The following CAP1 variants were observed in gnomAD, a reference collection of about 807,000 sequenced individuals.
CAP1 encodes the protein cyclase associated actin cytoskeleton regulatory protein 1, also known as adenylyl cyclase-associated protein 1.
CAP1 carries 11 observed loss-of-function variants against 58.2 expected under a neutral mutation model. That is an observed-to-expected ratio of 0.19 (90% CI 0.12 to 0.31). The LOEUF is 0.31. Ranked by LOEUF, CAP1 falls within the 10% of genes least tolerant of loss-of-function variation. CAP1 has a pLI of 1.00. For missense variants in CAP1, 423 were observed against 587.5 expected, an observed-to-expected ratio of 0.72 and a Z score of 2.89; for synonymous variants, 183 against 213.8, an observed-to-expected ratio of 0.86 and a Z score of 1.26.
chr1:40,040,421 C>T (rs957892042), upstream of CAP1: 8 of 152,374 alleles, frequency 5.3e-5, no homozygotes, highest in Admixed American at 1.3e-4. Flanking sequence ...GGAGCTTAGC[C>T]AGGGACTTCT....
rs1222302204 is a variant in CAP1 at position 40,072,596 on chromosome 1, C to G, written c.*1063C>G. 6.5e-6 allele frequency: 1 copy of G among 153,046 alleles called. No homozygotes were observed. The highest frequency in any genetic ancestry group is 1.9e-4 in the East Asian group (1 of 5,190). The allele number at this position is 153,046 out of a possible 1,614,324, so 9.5% of individuals were successfully genotyped here. ...TTTCCTGAGGCCTGTGGAAATAAAC[C>G]TTTATGTACTTAAAGTTATACAGAA... On this transcript the variant is annotated 3_prime_UTR_variant, in exon 13 of 13. Transcript: ENST00000372805.
intron 1 of CAP1, among the ~76,000 whole-genome samples, chr1:40,045,754 C>T (rs1646065570): frequency 6.6e-6 from 1 of 152,162 alleles, no homozygotes; most frequent in African/African-American, 2.4e-5. Context: ...CAGGGTTTTG[C>T]CATGTTGGCC....
intron 3 of CAP1, 102 bp downstream of exon 3, chr1:40,060,272 T>G: frequency 1.3e-6 from 1 of 785,870 alleles, no homozygotes; most frequent in Non-Finnish European, 2.1e-6. Flanking sequence ...GAGAAGTTCC[T>G]CTTGGTTTGG....
chr1:40,060,698 C>T (rs1410457468), intron 3 of CAP1, among the ~76,000 whole-genome samples: 2 of 128,804 alleles, frequency 1.6e-5, no homozygotes, highest in African/African-American at 5.7e-5. Flanking sequence ...CTCACATATA[C>T]ATTCTACCTC....
intron 1 of CAP1, 165 bp downstream of exon 1, chr1:40,040,966 G>T (rs894519680): frequency 6.5e-6 from 1 of 152,800 alleles, no homozygotes; most frequent in East Asian, 1.9e-4. Flanking sequence ...GTCTCTTGAG[G>T]TGGGGCCGGG....
At chr1:40,060,942 A>G (rs1365552658) in intron 3 of CAP1, among the ~76,000 whole-genome samples, 3 of 152,234 alleles carry the variant, frequency 2.0e-5, no homozygotes, top group Non-Finnish European at 1.5e-5. Context: ...GTTCTGTAAC[A>G]TTTGAAAAAA....
chr1:40,062,693 A>G (rs1304048180), intron 4 of CAP1, among the ~76,000 whole-genome samples: 1 of 152,066 alleles, frequency 6.6e-6, no homozygotes, highest in Non-Finnish European at 1.5e-5. Context: ...TGGGCCTGAA[A>G]GTTTGAGGAT....
At chr1:40,043,801 C>T (rs912973949) in intron 1 of CAP1, among the ~76,000 whole-genome samples, 6 of 151,668 alleles carry the variant, frequency 4.0e-5, no homozygotes, top group African/African-American at 7.3e-5. Flanking sequence ...CGCTTGAACC[C>T]GGGAGGCGGA....
chr1:40,056,675 G>A (rs1646630755), intron 1 of CAP1, among the ~76,000 whole-genome samples: 1 of 152,036 alleles, frequency 6.6e-6, no homozygotes, highest in Non-Finnish European at 1.5e-5. Context: ...TCTATAGGTG[G>A]TTATGGTGGT....
chr1:40,064,695 T>C (rs1647000531), intron 6 of CAP1, 136 bp downstream of exon 6: 3 of 695,454 alleles, frequency 4.3e-6, no homozygotes, highest in South Asian at 1.6e-5. Flanking sequence ...CCCACCTCAG[T>C]CCTCCAAGTA....
chr1:40,065,316 G>A (rs1158953223), intron 6 of CAP1, among the ~76,000 whole-genome samples: 2 of 152,204 alleles, frequency 1.3e-5, no homozygotes, highest in Non-Finnish European at 2.9e-5. Flanking sequence ...AACCACATAC[G>A]TCTACCAGTT....
chr1:40,045,576 G>A (rs1170162162), intron 1 of CAP1, among the ~76,000 whole-genome samples: 1 of 151,838 alleles, frequency 6.6e-6, no homozygotes, highest in Non-Finnish European at 1.5e-5. Context: ...GTTTTTTTGA[G>A]ATGGAGTTTT....
At chr1:40,065,692 G>A (rs1485766730) in intron 6 of CAP1, among the ~76,000 whole-genome samples, 2 of 152,194 alleles carry the variant, frequency 1.3e-5, no homozygotes, top group African/African-American at 2.4e-5. Context: ...AAGGCTGATT[G>A]TTTCCCCCTA....
chr1:40,055,974 C>T (rs1646597769), intron 1 of CAP1, among the ~76,000 whole-genome samples: 1 of 152,178 alleles, frequency 6.6e-6, no homozygotes, highest in Non-Finnish European at 1.5e-5. Flanking sequence ...TGGATTCCTT[C>T]ATTTATTCTC....
In CAP1 at chr1:40,064,312, T is replaced by G. The variant is rs763006739; in HGVS notation, c.380T>G (p.Leu127Trp). The G allele has an allele frequency of 6.2e-7, 1 of 1,614,202 alleles. No homozygotes were observed. Among genetic ancestry groups the G allele is most frequent in the South Asian group, 1.1e-5 (1 of 91,086 alleles). Residue 127 changes from leucine (L) to tryptophan (W), a missense_variant, in exon 5 of 13, where the codon TTG becomes TGG. Coordinates refer to ENST00000372805, the MANE Select transcript of CAP1 (RefSeq NM_006367.4). ...CGGGAGAAGAACCGAGGCAGCAAGTTGTTTAATCACCTGTCAGCTGTCAGC... is the reference window on the plus strand; with the variant it reads ...CGGGAGAAGAACCGAGGCAGCAAGTGGTTTAATCACCTGTCAGCTGTCAGC... The part of the protein sequence containing the change: ...TFREKNRGSK[L>W]FNHLSAVSES...
intron 8 of CAP1, among the ~76,000 whole-genome samples, chr1:40,068,037 TTG>T (rs1647180463): frequency 5.9e-5 from 9 of 152,166 alleles, no homozygotes. Flanking sequence ...TGGGAAGGCA[TTG>T]TGTTAGGGAG....
intron 4 of CAP1, 134 bp downstream of exon 4, chr1:40,061,946 AG>A: frequency 1.4e-6 from 1 of 710,120 alleles, no homozygotes; most frequent in Non-Finnish European, 2.5e-6. Context: ...CAAGTCCCAG[AG>A]GTAGAGCCAT....
chr1:40,067,432 A>G, intron 7 of CAP1, 108 bp from the exon 8 acceptor site: 1 of 923,866 alleles, frequency 1.1e-6, no homozygotes, highest in Non-Finnish European at 1.6e-6. Flanking sequence ...CATTGCCTCA[A>G]AGGCTGTGGT....
intron 7 of CAP1, among the ~76,000 whole-genome samples, chr1:40,067,056 C>T (rs575386950): frequency 2.2e-4 from 33 of 152,238 alleles, no homozygotes; most frequent in African/African-American, 7.2e-4. Flanking sequence ...AGTAGAAAAA[C>T]ATTTGCAGGA....
Sources: allele counts gnomAD v4.1 joint callset (sites outside exome capture counted in the v4.1 genomes callset), GRCh38; gene constraint gnomAD v4.1.1; transcripts MANE v1.5; gene names NCBI Gene and HGNC (gene_info 2026-07-23, HGNC 2026-07-21).